The following IQCE variants were observed in gnomAD, a reference collection of about 807,000 sequenced individuals.
The protein encoded by IQCE is IQ motif containing E, also known as IQ domain-containing protein E.
A neutral mutation model predicts 96.0 loss-of-function variants in IQCE; 115 were observed. That is an observed-to-expected ratio of 1.20 (90% CI 1.03 to 1.40). IQCE has a LOEUF of 1.40. Among genes scored for constraint, IQCE ranks in the 40% most tolerant of loss-of-function variants. IQCE has a pLI of 0.00. For missense variants in IQCE, 1,041 were observed against 909.1 expected, an observed-to-expected ratio of 1.15 and a Z score of -1.87; for synonymous variants, 412 against 371.2, an observed-to-expected ratio of 1.11 and a Z score of -1.26.
At chr7:2,604,821 G>T (rs1389730830) in intron 18 of IQCE, 60 bp from the exon 19 acceptor site, 9 of 1,248,072 alleles carry the variant, frequency 7.2e-6, no homozygotes, top group Admixed American at 1.8e-5. Context: ...CCTCCCTCTC[G>T]CCCGCCGTTG....
At position 2,594,788 on chromosome 7, in the gene IQCE, CCT is replaced by C. The variant is rs541731653; in HGVS notation, c.1350-97_1350-96del. 428 of 833,318 alleles carry C rather than the reference CCT, an allele frequency of 5.1e-4. 3 individuals carry two copies. In the South Asian group the frequency reaches 5.2e-3, roughly 10 times the overall value. The allele number at this position is 833,318 out of a possible 1,614,324, so 51.6% of individuals were successfully genotyped here. A position where few individuals can be genotyped will look rare whatever the true frequency, so the allele number is the denominator to read the frequency against. On this transcript the variant is annotated intron_variant, in intron 15 of 21. Transcript: ENST00000402050. ...CTCTCTACAGGCTGCCTGGTGTCCCCCTGTCTCCGCCTGGACCGCCCGCCCCA... is the reference window on the plus strand; with the variant it reads ...CTCTCTACAGGCTGCCTGGTGTCCCCGTCTCCGCCTGGACCGCCCGCCCCA...
intron 1 of IQCE, among the ~76,000 whole-genome samples, chr7:2,565,129 TGTGA>T (rs1781270139): frequency 1.7e-5 from 2 of 115,350 alleles, no homozygotes; most frequent in South Asian, 5.4e-4. Context: ...TGTGCATGTG[TGTGA>T]GTGTGTGTGT....
At chr7:2,601,175 C>T (rs1036593810) in intron 17 of IQCE, among the ~76,000 whole-genome samples, 7 of 152,232 alleles carry the variant, frequency 4.6e-5, no homozygotes, top group Non-Finnish European at 8.8e-5. Flanking sequence ...GACTGGCACA[C>T]GGCACAGAGA....
At chr7:2,579,223 C>T (rs926155073) in intron 8 of IQCE, among the ~76,000 whole-genome samples, 8 of 152,088 alleles carry the variant, frequency 5.3e-5, no homozygotes, top group Non-Finnish European at 1.0e-4. Context: ...CTGTAGGTGG[C>T]ACAGTACACC....
rs955106297 is a variant in IQCE, at chr7:2,580,990, C to T, written c.631-1590C>T. On this transcript the variant is annotated intron_variant, in intron 8 of 21. Transcript: ENST00000402050. Reference sequence around the variant, plus strand: ...TCCTGAGTAGCTGGGACTACAGGCGCCCGCCACCATGCCCGGCTAATTTTT... The same window carrying T: ...TCCTGAGTAGCTGGGACTACAGGCGTCCGCCACCATGCCCGGCTAATTTTT... Among the ~76,000 whole-genome samples the T allele has an allele frequency of 3.9e-5, 6 of 151,986 alleles. No homozygotes were observed. In the East Asian group the frequency reaches 9.6e-4, roughly 24 times the overall value.
chr7:2,612,207 A>T lies in IQCE; in HGVS notation c.*2045A>T, dbSNP rs916496647. The T allele has an allele frequency of 1.3e-5, 2 of 152,210 alleles. No homozygotes were observed. The highest frequency in any genetic ancestry group is 2.4e-5 in the African/African-American group (1 of 41,448). 9.4% of individuals were successfully genotyped at this position (152,210 alleles called of 1,614,324 possible). A position where few individuals can be genotyped will look rare whatever the true frequency, so the allele number is the denominator to read the frequency against. On this transcript the variant is annotated 3_prime_UTR_variant, in exon 22 of 22. Transcript: ENST00000402050. ...AGGCTTGGAGGCCAATGTTCCATAC[A>T]TAAACCGCCATGTCCTCTGGTGCAG...
intron 3 of IQCE, among the ~76,000 whole-genome samples, chr7:2,570,859 G>A (rs1429070315): frequency 6.6e-6 from 1 of 152,064 alleles, no homozygotes; most frequent in African/African-American, 2.4e-5. Flanking sequence ...CTGTCACTAT[G>A]TAGTGACATT....
At chr7:2,607,103 G>A (rs771297441) in intron 20 of IQCE, 21 bp from the exon 21 acceptor site, 3 of 1,575,376 alleles carry the variant, frequency 1.9e-6, no homozygotes, top group African/African-American at 2.7e-5. Context: ...GAATCAGCTG[G>A]CGTTTTCTGT....
Position 2,610,070 on chromosome 7 carries a change from T to G in IQCE, c.1996T>G (p.Leu666Val), listed in dbSNP as rs3735109. The G allele has an allele frequency of 0.44, 700,576 of 1,602,880 alleles. 156,484 individuals carry two copies. Among genetic ancestry groups the G allele is most frequent in the Admixed American group, 0.56 (33,351 of 59,970 alleles). Residue 666 changes from leucine (L) to valine (V), a missense_variant, in exon 22 of 22, where the codon TTG (leucine) becomes GTG (valine). Leu to Val is a conservative substitution (Grantham distance 32). Transcript: ENST00000402050. ...PDPSPSGPQA[L>V]APLPGDDVNS... Reference sequence around the variant, plus strand: ...CCCCTCTCCCTCAGGGCCACAGGCCTTGGCACCTCTACCTGGGGATGACGT... The same window carrying G: ...CCCCTCTCCCTCAGGGCCACAGGCCGTGGCACCTCTACCTGGGGATGACGT...
Position 2,601,452 on chromosome 7 carries a change from T to C in IQCE, c.1620T>C (p.Ala540=). 1 of 1,568,348 alleles carries C rather than the reference T, an allele frequency of 6.4e-7. No individual in the cohort carries two copies. The highest frequency in any genetic ancestry group is 8.7e-7 in the Non-Finnish European group (1 of 1,147,366). Residue 540 remains alanine (A), a synonymous_variant, in exon 18 of 22, where the codon GCT becomes GCC. Transcript: ENST00000402050. ...WKVYKHKKKK[A]VLDEAAVVLQ... Reference sequence around the variant, plus strand: ...TTTTTTTTTTCCAGAAAAAAAAGGCTGTTCTGGATGAGGTAAGCGAGGTTT... The same window carrying C: ...TTTTTTTTTTCCAGAAAAAAAAGGCCGTTCTGGATGAGGTAAGCGAGGTTT...
intron 8 of IQCE, among the ~76,000 whole-genome samples, chr7:2,580,815 C>T (rs972457277): frequency 1.3e-5 from 2 of 152,198 alleles, no homozygotes; most frequent in Non-Finnish European, 2.9e-5. Flanking sequence ...TGCACACACA[C>T]GGCCATGCAC....
chr7:2,594,039 A>G (rs1275273162), intron 15 of IQCE, among the ~76,000 whole-genome samples: 3 of 152,176 alleles, frequency 2.0e-5, no homozygotes, highest in Non-Finnish European at 2.9e-5. Context: ...AGGCGGGCAG[A>G]TCGTGAGGTC....
intron 17 of IQCE, 75 bp downstream of exon 17, chr7:2,598,707 G>A (rs1380937075): frequency 8.2e-6 from 11 of 1,347,618 alleles, no homozygotes; most frequent in Non-Finnish European, 1.1e-5. Flanking sequence ...CACTCTCCAG[G>A]AATGACTGGG....
chr7:2,561,271 T>A (rs1780933127), intron 1 of IQCE, among the ~76,000 whole-genome samples: 3 of 152,120 alleles, frequency 2.0e-5, no homozygotes, highest in Non-Finnish European at 4.4e-5. Context: ...TGTAGATCTT[T>A]GATTTCTTTC....
rs566469798 is a variant in IQCE at position 2,604,621 on chromosome 7, C to T, written c.1633-260C>T. Among the ~76,000 whole-genome samples the T allele has an allele frequency of 2.0e-5, 3 of 152,310 alleles. No individual in the cohort carries two copies. In the South Asian group the frequency reaches 6.2e-4, roughly 32 times the overall value. On this transcript the variant is annotated intron_variant, in intron 18 of 21. Transcript: ENST00000402050. ...CGCTGAAAGGGACTGCAGTGAGCAG[C>T]GGGCACCTTGCCATTCCCAGAGTCC...
At chr7:2,593,967 T>C (rs1371756261) in intron 15 of IQCE, among the ~76,000 whole-genome samples, 1 of 152,138 alleles carries the variant, frequency 6.6e-6, no homozygotes, top group East Asian at 1.9e-4. Context: ...ACTACCGGAA[T>C]GAAGAAAACT....
chr7:2,582,069 GA>G lies in IQCE; in HGVS notation c.631-507del, dbSNP rs534369539. On this transcript the variant is annotated intron_variant, in intron 8 of 21. Coordinates refer to ENST00000402050, the MANE Select transcript of IQCE (RefSeq NM_152558.5). The stretch of plus-strand genomic sequence containing the variant: ...GTCTCCTCTAAGCAAGACATTCACA[GA>G]AAAGGAGGTGAGGAGGCCGCTGGAG... The G allele has an allele frequency of 1.8e-3, 851 of 469,222 alleles. 9 individuals carry two copies. In the Admixed American group the frequency reaches 0.02, roughly 11 times the overall value. The allele number at this position is 469,222 out of a possible 1,614,324, so 29.1% of individuals were successfully genotyped here.
intron 8 of IQCE, among the ~76,000 whole-genome samples, chr7:2,578,809 C>A (rs75798776): frequency 6.6e-6 from 1 of 152,158 alleles, no homozygotes; most frequent in African/African-American, 2.4e-5. Context: ...ACAAGCGCTC[C>A]CAGCGCTTTG....
chr7:2,610,070 T>A lies in IQCE; in HGVS notation c.1996T>A (p.Leu666Met), dbSNP rs3735109. ...PDPSPSGPQA[L>M]APLPGDDVNS... The stretch of plus-strand genomic sequence containing the variant: ...CCCCTCTCCCTCAGGGCCACAGGCC[T>A]TGGCACCTCTACCTGGGGATGACGT... Residue 666 changes from leucine to methionine, a missense_variant, in exon 22 of 22, where the codon TTG (leucine) becomes ATG (methionine). Physicochemically the swap from Leu to Met is conservative, Grantham distance 15. Coordinates refer to ENST00000402050, the MANE Select transcript of IQCE (RefSeq NM_152558.5). 25 of 1,607,986 alleles carry A rather than the reference T, an allele frequency of 1.6e-5. No individual in the cohort carries two copies. Among genetic ancestry groups the A allele is most frequent in the Admixed American group, 3.3e-5 (2 of 59,986 alleles).
Sources: gnomAD v4.1 joint callset for allele counts (sites outside exome capture counted in the v4.1 genomes callset) on GRCh38, gnomAD v4.1.1 for gene constraint, MANE v1.5 for transcripts, NCBI Gene and HGNC (gene_info 2026-07-23, HGNC 2026-07-21) for gene names.